Variants in ALK observed in about 807,000 individuals in gnomAD.
The protein encoded by ALK is ALK tyrosine kinase receptor.
ALK carries 74 observed loss-of-function variants against 163.1 expected under a neutral mutation model. The observed-to-expected ratio is 0.45, with a 90% CI of 0.38 to 0.55. The LOEUF (loss-of-function observed/expected upper bound fraction) is 0.55. Among genes scored for constraint, ALK ranks in the 20% least tolerant of loss-of-function variants. ALK has a pLI of 0.00. For synonymous variants in ALK, 960 were observed against 843.2 expected (o/e 1.14, Z -2.40); for missense variants, 2,063 against 2,105.3 (o/e 0.98, Z 0.39).
At chr2:29,499,948 T>C (rs1248487362) in intron 4 of ALK, among the ~76,000 whole-genome samples, 2 of 151,936 alleles carry the variant, frequency 1.3e-5, no homozygotes, top group Non-Finnish European at 2.9e-5. Context: ...CTTGTCCCCA[T>C]CTCATCACCC....
intron 1 of ALK, among the ~76,000 whole-genome samples, chr2:29,777,583 G>A (rs1572370546): frequency 6.6e-6 from 1 of 152,196 alleles, no homozygotes; most frequent in East Asian, 1.9e-4. Flanking sequence ...CCCCATGTGG[G>A]CATTTTCTTG....
At chr2:29,241,666 G>C (rs1664525817) in intron 12 of ALK, among the ~76,000 whole-genome samples, 1 of 152,060 alleles carries the variant, frequency 6.6e-6, no homozygotes, top group Non-Finnish European at 1.5e-5. Flanking sequence ...TCTGGCTGCA[G>C]CAGGTGGATG....
At chr2:29,286,391 T>G (rs2148223099) in intron 9 of ALK, 1 of 152,290 alleles carries the variant, frequency 6.6e-6, no homozygotes, top group East Asian at 1.9e-4. Context: ...GGATCTGCCA[T>G]TATATACCAG....
intron 1 of ALK, among the ~76,000 whole-genome samples, chr2:29,870,718 A>G (rs3922535): frequency 0.44 from 66,773 of 152,072 alleles, 15,479 homozygotes; most frequent in Non-Finnish European, 0.5. Flanking sequence ...CAAATAAAAA[A>G]GTCTAAGAAG....
intron 3 of ALK, among the ~76,000 whole-genome samples, chr2:29,609,051 G>A (rs1295177183): frequency 1.3e-5 from 2 of 152,152 alleles, no homozygotes; most frequent in Non-Finnish European, 2.9e-5. Flanking sequence ...AGCCTCTCAA[G>A]TAGCTGAGAT....
At chr2:29,372,166 C>T (rs148144133) in intron 5 of ALK, among the ~76,000 whole-genome samples, 144 of 152,306 alleles carry the variant, frequency 9.5e-4, no homozygotes, top group Non-Finnish European at 1.5e-3. Flanking sequence ...CAGGTGCAAA[C>T]ATCTAAGTGT....
At chr2:29,687,655 A>G (rs989531759) in intron 3 of ALK, among the ~76,000 whole-genome samples, 2 of 152,194 alleles carry the variant, frequency 1.3e-5, no homozygotes, top group Admixed American at 6.5e-5. Flanking sequence ...TAATTTACCT[A>G]GAAATAACTT....
intron 12 of ALK, among the ~76,000 whole-genome samples, chr2:29,244,910 G>A (rs146576725): frequency 1.1e-4 from 17 of 152,392 alleles, no homozygotes; most frequent in Middle Eastern, 3.4e-3. Flanking sequence ...GAGACTGTGA[G>A]GCTCCAGAGT....
chr2:29,350,420 G>A lies in ALK; in HGVS notation c.1283-21939C>T, dbSNP rs114496557. 2.3e-3 allele frequency among the ~76,000 whole-genome samples: 349 copies of A among 152,332 alleles called. 1 individual carries two copies. Among genetic ancestry groups the A allele is most frequent in the African/African-American group, 8.0e-3 (333 of 41,570 alleles). ...CCCTATGGCCATTGGATCTGGAGAG[G>A]GGACTGGCAGATGTGGAGATCCTGG... On this transcript the variant is annotated intron_variant, in intron 5 of 28. Transcript: ENST00000389048.
intron 2 of ALK, among the ~76,000 whole-genome samples, chr2:29,697,360 AGGAAGGGCCCATGCCCTG>A (rs1275980340): frequency 7.2e-5 from 11 of 152,314 alleles, no homozygotes; most frequent in Admixed American, 5.9e-4. Context: ...AAAGAGAGGC[AGGAAGGGCCCATGCCCTG>A]GGATGTTTTG....
At chr2:29,570,166 A>G (rs2148189582) in intron 3 of ALK, among the ~76,000 whole-genome samples, 1 of 152,334 alleles carries the variant, frequency 6.6e-6, no homozygotes, top group South Asian at 2.1e-4. Flanking sequence ...GCATGCTAAG[A>G]GCTGCACAAT....
intron 1 of ALK, among the ~76,000 whole-genome samples, chr2:29,831,313 A>AGAAGAAGAAGAG (rs1665414282): frequency 6.9e-6 from 1 of 144,770 alleles, no homozygotes; most frequent in African/African-American, 2.5e-5. Context: ...AAGAAGAAGA[A>AGAAGAAGAAGAG]GAAGAAGAAA....
intron 1 of ALK, among the ~76,000 whole-genome samples, chr2:29,809,347 G>A (rs970281913): frequency 3.3e-5 from 5 of 151,976 alleles, no homozygotes; most frequent in Admixed American, 2.0e-4. Flanking sequence ...ATCATACTGA[G>A]AGTTTGAAAT....
At chr2:29,674,617 G>A (rs1677816331) in intron 3 of ALK, among the ~76,000 whole-genome samples, 1 of 151,544 alleles carries the variant, frequency 6.6e-6, no homozygotes, top group Admixed American at 6.6e-5. Context: ...GTTCATCAAG[G>A]ATATTGGTCT....
At chr2:29,701,205 C>T (rs1361601749) in intron 2 of ALK, among the ~76,000 whole-genome samples, 1 of 152,208 alleles carries the variant, frequency 6.6e-6, no homozygotes, top group Non-Finnish European at 1.5e-5. Flanking sequence ...CCCAGAATCC[C>T]TTGGATCAAG....
chr2:29,445,208 G>A (rs1041990780), intron 4 of ALK, among the ~76,000 whole-genome samples: 1 of 152,108 alleles, frequency 6.6e-6, no homozygotes, highest in African/African-American at 2.4e-5. Context: ...GGCAGAGGTG[G>A]GCCAGTGATA....
chr2:29,630,712 G>A (rs1676343639), intron 3 of ALK, among the ~76,000 whole-genome samples: 1 of 151,810 alleles, frequency 6.6e-6, no homozygotes, highest in African/African-American at 2.4e-5. Flanking sequence ...ATTTTCACAG[G>A]AAATATATAC....
intron 15 of ALK, among the ~76,000 whole-genome samples, chr2:29,230,343 G>A (rs1458398431): frequency 1.3e-5 from 2 of 150,214 alleles, no homozygotes; most frequent in Non-Finnish European, 2.9e-5. Flanking sequence ...TCCCACGAAC[G>A]CAGAACTGAT....
chr2:29,539,603 T>C (rs1673357553), intron 3 of ALK, among the ~76,000 whole-genome samples: 1 of 136,636 alleles, frequency 7.3e-6, no homozygotes, highest in Admixed American at 7.7e-5. Flanking sequence ...CAGGTTCTCT[T>C]GAGCACAGGG....
Sources: gnomAD v4.1 joint callset for allele counts (sites outside exome capture counted in the v4.1 genomes callset) on GRCh38, gnomAD v4.1.1 for gene constraint, MANE v1.5 for transcripts, NCBI Gene and HGNC (gene_info 2026-07-23, HGNC 2026-07-21) for gene names.